Variants in MSH6 observed in about 807,000 individuals in gnomAD.
The protein encoded by MSH6 is mutS homolog 6.
In MSH6, 85 loss-of-function variants were observed where a neutral mutation model predicts 119.1. The observed-to-expected ratio is 0.71, with a 90% CI of 0.60 to 0.85. The LOEUF is 0.85. Ranked by LOEUF, MSH6 falls within the 40% of genes least tolerant of loss-of-function variation. The pLI, the probability that MSH6 is intolerant of heterozygous loss-of-function variation, is 0.00. For missense variants in MSH6, 2,163 were observed against 1,655.3 expected, an observed-to-expected ratio of 1.31 and a Z score of -5.32; for synonymous variants, 830 against 586.9, an observed-to-expected ratio of 1.41 and a Z score of -5.99.
At chr2:47,804,193 C>G (rs912259652) in intron 5 of MSH6, among the ~76,000 whole-genome samples, 1 of 152,038 alleles carries the variant, frequency 6.6e-6, no homozygotes, top group Non-Finnish European at 1.5e-5. Flanking sequence ...TCACTGCAGC[C>G]TCGAACTCCC....
chr2:47,806,935 C>G lies in MSH6; in HGVS notation c.*75C>G. 8.8e-7 allele frequency: 1 copy of G among 1,133,820 alleles called. No homozygotes were observed. Among genetic ancestry groups the G allele is most frequent in the East Asian group, 2.4e-5 (1 of 41,870 alleles). 70.2% of individuals were successfully genotyped at this position (1,133,820 alleles called of 1,614,324 possible). A position where few individuals can be genotyped will look rare whatever the true frequency, so the allele number is the denominator to read the frequency against. On this transcript the variant is annotated 3_prime_UTR_variant, in exon 10 of 10. Coordinates refer to ENST00000234420, the MANE Select transcript of MSH6 (RefSeq NM_000179.3). ...TCAGACAACATTATGATCTAATAAA[C>G]TTTATTTTTTAAAAATGACCATTTT...
At chr2:47,783,810 C>T (rs948258071) in intron 1 of MSH6, 2 of 563,828 alleles carry the variant, frequency 3.5e-6, no homozygotes, top group East Asian at 1.7e-4. Flanking sequence ...AGGGGCGACG[C>T]GCGCAGCTCC....
At chr2:47,802,657 T>A (rs942076368) in intron 4 of MSH6, among the ~76,000 whole-genome samples, 30 of 144,726 alleles carry the variant, frequency 2.1e-4, no homozygotes, top group African/African-American at 4.9e-4. Flanking sequence ...TTTTTTTTTT[T>A]AAATAATGGT....
chr2:47,788,922 G>GTTTTTTTTGTTTT (rs1668541391), intron 1 of MSH6, among the ~76,000 whole-genome samples: 1 of 40,952 alleles, frequency 2.4e-5, no homozygotes, highest in Non-Finnish European at 4.2e-5. Context: ...TTTTTTTTTT[G>GTTTTTTTTGTTTT]TTTTTTTTTT....
chr2:47,808,622 G>A (rs1054486473), downstream of MSH6: 3 of 496,184 alleles, frequency 6.0e-6, no homozygotes, highest in Non-Finnish European at 1.1e-5. Context: ...TCTTCGGAGG[G>A]AAGAGAAATG....
chr2:47,801,977 A>T (rs946608225), intron 4 of MSH6, among the ~76,000 whole-genome samples: 1 of 152,280 alleles, frequency 6.6e-6, no homozygotes, highest in Non-Finnish European at 1.5e-5. Context: ...ACTTCATGAG[A>T]CAGGCTTTAT....
Position 47,803,408 on chromosome 2 carries a change from CTCTTT to C in MSH6, c.3173-10_3173-6del, listed in dbSNP as rs781520783. 5 of 1,614,162 alleles carry C rather than the reference CTCTTT, an allele frequency of 3.1e-6. No homozygotes were observed. Among genetic ancestry groups the C allele is most frequent in the Non-Finnish European group, 3.4e-6 (4 of 1,180,020 alleles). On this transcript the variant is annotated splice_polypyrimidine_tract_variant and splice_region_variant and intron_variant, in intron 4 of 9. Coordinates refer to ENST00000234420, the MANE Select transcript of MSH6 (RefSeq NM_000179.3). ...AACGATGAAGCCTCACTTTTACCCT[CTCTTT>C]TAACAGATGTTTTACTGTGCCTGGC...
rs775497704 is a variant in MSH6, at chr2:47,799,501, T to C, written c.1518T>C (p.Asp506=). The change falls in exon 4 of 10, where the codon GAT becomes GAC. Residue 506 remains aspartate (D), a synonymous_variant. Coordinates refer to ENST00000234420, the MANE Select transcript of MSH6 (RefSeq NM_000179.3). ...AGATGGCACATATATCCAAGTATGA[T>C]AGAGTGGTGAGGAGGGAGATCTGTA... ...CRKMAHISKY[D]RVVRREICRI... is the part of the protein sequence containing the mutation. 2 of 1,614,048 alleles carry C rather than the reference T, an allele frequency of 1.2e-6. No homozygotes were observed. Among genetic ancestry groups the C allele is most frequent in the Non-Finnish European group, 1.7e-6 (2 of 1,180,000 alleles).
intron 1 of MSH6, chr2:47,784,979 C>T (rs1668261580): frequency 6.6e-6 from 1 of 151,894 alleles, no homozygotes; most frequent in Non-Finnish European, 1.5e-5. Flanking sequence ...TGCGCCCCAC[C>T]ACGCCTGGCT....
At chr2:47,807,613 CAA>C (rs910183121), downstream of MSH6, 37 of 218,392 alleles carry the variant, frequency 1.7e-4, no homozygotes, top group African/African-American at 5.0e-4. Flanking sequence ...AAATTAAAAA[CAA>C]ACTACATGAG....
chr2:47,801,178 T>G (rs1415171791), intron 4 of MSH6, 23 bp downstream of exon 4: 1 of 1,605,442 alleles, frequency 6.2e-7, no homozygotes, highest in Non-Finnish European at 8.5e-7. Context: ...ACAAGCTTGT[T>G]CTCAGGCTTT....
At chr2:47,789,312 A>G (rs904796586) in intron 1 of MSH6, 1 of 384,268 alleles carries the variant, frequency 2.6e-6, no homozygotes, top group Non-Finnish European at 5.2e-6. Flanking sequence ...GTTGAAAAAC[A>G]AAATTTTTTG....
At chr2:47,788,922 G>GTTTTTTTTTTTTGT (rs1668542908) in intron 1 of MSH6, among the ~76,000 whole-genome samples, 1 of 40,932 alleles carries the variant, frequency 2.4e-5, no homozygotes, top group African/African-American at 1.0e-4. Context: ...TTTTTTTTTT[G>GTTTTTTTTTTTTGT]TTTTTTTTTT....
rs760530339 is a variant in MSH6 at position 47,803,599 on chromosome 2, G to A, written c.3352G>A (p.Glu1118Lys). The A allele has an allele frequency of 3.1e-6, 5 of 1,614,094 alleles. No homozygotes were observed. Among genetic ancestry groups the A allele is most frequent in the Non-Finnish European group, 1.7e-6 (2 of 1,180,054 alleles). Residue 1118 changes from glutamate to lysine, a missense_variant, in exon 5 of 10, where the codon GAG becomes AAG. Physicochemically the swap from Glu to Lys is moderately conservative, Grantham distance 56. Transcript: ENST00000234420. ...TCCTAATGACATTCTAATAGGCTGT[G>A]AGGAAGAGGAGCAGGAAAATGGCAA... ...FIPNDILIGCEEEEQENGKAY... is the reference protein window; with the variant it reads ...FIPNDILIGCKEEEQENGKAY...
intron 1 of MSH6, among the ~76,000 whole-genome samples, chr2:47,788,925 T>C (rs1668546695): frequency 4.1e-5 from 3 of 73,136 alleles, no homozygotes; most frequent in African/African-American, 2.0e-4. Flanking sequence ...TTTTTTTGTT[T>C]TTTTTTTTTT....
At chr2:47,802,357 ACGGGGT>A (rs1369349316) in intron 4 of MSH6, among the ~76,000 whole-genome samples, 1 of 152,020 alleles carries the variant, frequency 6.6e-6, no homozygotes, top group African/African-American at 2.4e-5. Context: ...TTTTTTAGAG[ACGGGGT>A]CTTGCTGTTT....
chr2:47,806,693 A>AAGTTTC, intron 9 of MSH6, 42 bp downstream of exon 9: 1 of 1,589,000 alleles, frequency 6.3e-7, no homozygotes. Flanking sequence ...AACTGACCTT[A>AAGTTTC]AGTTTCAAAG....
At chr2:47,783,685 A>G in intron 1 of MSH6, 192 bp downstream of exon 1, 1 of 565,364 alleles carries the variant, frequency 1.8e-6, no homozygotes, top group Non-Finnish European at 2.8e-6. Flanking sequence ...TAGCTTGTAA[A>G]CAGGGTCGGA....
At chr2:47,792,515 AATCTTTTT>A (rs754118603) in intron 2 of MSH6, among the ~76,000 whole-genome samples, 2 of 152,092 alleles carry the variant, frequency 1.3e-5, no homozygotes. Context: ...TTTTTCTTTT[AATCTTTTT>A]AAAAGAAATA....
Sources: gnomAD v4.1 joint callset for allele counts (sites outside exome capture counted in the v4.1 genomes callset) on GRCh38, gnomAD v4.1.1 for gene constraint, MANE v1.5 for transcripts, NCBI Gene and HGNC (gene_info 2026-07-23, HGNC 2026-07-21) for gene names.